Variants in CREB3L2 observed in about 807,000 individuals in gnomAD.
The protein encoded by CREB3L2 is cyclic AMP-responsive element-binding protein 3-like protein 2.
In CREB3L2, 23 loss-of-function variants were observed where a neutral mutation model predicts 57.2. The ratio of observed to expected loss-of-function variants is 0.40; its 90% CI spans 0.29 to 0.57. The LOEUF is 0.57. Ranked by LOEUF, CREB3L2 falls within the 20% of genes least tolerant of loss-of-function variation. The probability of loss-of-function intolerance (pLI) is 0.42; values close to 1 mark genes in which losing one functional copy is unlikely to be tolerated. For missense variants in CREB3L2, 628 were observed against 634.7 expected (o/e 0.99, Z 0.11); for synonymous variants, 268 against 265.1 (o/e 1.01, Z -0.11).
chr7:137,954,034 C>T (rs1460504734), intron 1 of CREB3L2, among the ~76,000 whole-genome samples: 4 of 152,124 alleles, frequency 2.6e-5, no homozygotes, highest in Non-Finnish European at 4.4e-5. Context: ...ACGGAGGAGA[C>T]AAGATCAAAA....
chr7:137,879,050 C>T lies in CREB3L2; in HGVS notation c.*1426G>A. ...CACATTTCCTACACAAAATCTTTCC[C>T]AAGCTCGGAAAAAACACTTGAGGGT... On this transcript the variant is annotated 3_prime_UTR_variant, in exon 12 of 12. Transcript: ENST00000330387. The T allele has an allele frequency of 2.3e-6, 1 of 428,404 alleles. No homozygotes were observed. Among genetic ancestry groups the T allele is most frequent in the Non-Finnish European group, 4.4e-6 (1 of 227,768 alleles). 26.5% of individuals were successfully genotyped at this position (428,404 alleles called of 1,614,324 possible). A position where few individuals can be genotyped will look rare whatever the true frequency, so the allele number is the denominator to read the frequency against.
At chr7:137,929,942 G>T (rs2117243509) in intron 1 of CREB3L2, among the ~76,000 whole-genome samples, 2 of 151,116 alleles carry the variant, frequency 1.3e-5, no homozygotes, top group South Asian at 2.1e-4. Flanking sequence ...CTGTCGCCCA[G>T]GCTGGAGTGC....
At chr7:137,971,474 G>T (rs569811895) in intron 1 of CREB3L2, among the ~76,000 whole-genome samples, 3 of 151,834 alleles carry the variant, frequency 2.0e-5, no homozygotes, top group Non-Finnish European at 2.9e-5. Context: ...AATTTTGGAT[G>T]GGGGGAGACA....
chr7:137,934,068 G>C (rs1800724770), intron 1 of CREB3L2, among the ~76,000 whole-genome samples: 1 of 152,220 alleles, frequency 6.6e-6, no homozygotes, highest in Admixed American at 6.5e-5. Flanking sequence ...AAAGGCAATG[G>C]CATAATAACA....
chr7:137,939,706 T>A (rs1332926327), intron 1 of CREB3L2, among the ~76,000 whole-genome samples: 1 of 152,220 alleles, frequency 6.6e-6, no homozygotes, highest in Non-Finnish European at 1.5e-5. Flanking sequence ...TCATCCATAG[T>A]GGGGAAGCCA....
chr7:137,968,915 G>C (rs1305484671), intron 1 of CREB3L2, among the ~76,000 whole-genome samples: 1 of 152,164 alleles, frequency 6.6e-6, no homozygotes, highest in East Asian at 1.9e-4. Flanking sequence ...GGAAGAAAGT[G>C]AGAAGGGGCA....
At chr7:137,990,512 G>C (rs555790048) in intron 1 of CREB3L2, among the ~76,000 whole-genome samples, 1 of 152,264 alleles carries the variant, frequency 6.6e-6, no homozygotes, top group Admixed American at 6.5e-5. Context: ...CCCCTGCCTA[G>C]AACAGGCACA....
At chr7:137,917,062 T>G (rs1342330347) in intron 2 of CREB3L2, among the ~76,000 whole-genome samples, 1 of 152,220 alleles carries the variant, frequency 6.6e-6, no homozygotes, top group East Asian at 1.9e-4. Context: ...TGGGAGACTT[T>G]GGTTTGTAAT....
At chr7:137,901,533 C>T in intron 7 of CREB3L2, 111 bp from the exon 8 acceptor site, 1 of 637,804 alleles carries the variant, frequency 1.6e-6, no homozygotes, top group Non-Finnish European at 2.8e-6. Flanking sequence ...GGGGATCTGC[C>T]ACCCCATGGA....
intron 2 of CREB3L2, among the ~76,000 whole-genome samples, chr7:137,922,254 C>A (rs1384704345): frequency 1.3e-5 from 2 of 150,936 alleles, no homozygotes; most frequent in Non-Finnish European, 2.9e-5. Context: ...TGGAGAAAGG[C>A]ACAGACCACA....
intron 1 of CREB3L2, among the ~76,000 whole-genome samples, chr7:137,972,695 A>AC (rs1801528279): frequency 8.2e-5 from 3 of 36,742 alleles, no homozygotes; most frequent in Admixed American, 4.3e-4. Flanking sequence ...AAAAAAAAAA[A>AC]AAAAAAAAAA....
At chr7:137,916,180 CAAAG>C (rs917567175) in intron 2 of CREB3L2, among the ~76,000 whole-genome samples, 168 bp from the exon 3 acceptor site, 30 of 152,188 alleles carry the variant, frequency 2.0e-4, no homozygotes, top group African/African-American at 7.2e-4. Flanking sequence ...ATATGAACAG[CAAAG>C]AAAGAATCTA....
At chr7:137,977,275 C>T (rs761286261) in intron 1 of CREB3L2, among the ~76,000 whole-genome samples, 43 of 152,338 alleles carry the variant, frequency 2.8e-4, no homozygotes, top group Non-Finnish European at 5.4e-4. Flanking sequence ...CTAGTCCAGA[C>T]AGTCCAAAAC....
chr7:137,904,705 G>A (rs1585610031), intron 6 of CREB3L2, among the ~76,000 whole-genome samples: 1 of 151,824 alleles, frequency 6.6e-6, no homozygotes, highest in Non-Finnish European at 1.5e-5. Flanking sequence ...CGGGCATGGT[G>A]GCACACGTCT....
chr7:137,939,601 A>T (rs1800848206), intron 1 of CREB3L2, among the ~76,000 whole-genome samples: 1 of 152,204 alleles, frequency 6.6e-6, no homozygotes, highest in African/African-American at 2.4e-5. Flanking sequence ...CACAACAGAC[A>T]GCTGAATCTC....
chr7:137,967,705 C>T (rs563844138), intron 1 of CREB3L2, among the ~76,000 whole-genome samples: 1 of 152,190 alleles, frequency 6.6e-6, no homozygotes, highest in African/African-American at 2.4e-5. Context: ...TGCTCCCGAT[C>T]GCTGGAAACT....
intron 10 of CREB3L2, 163 bp downstream of exon 10, chr7:137,884,832 G>A (rs375435532): frequency 2.1e-6 from 2 of 933,530 alleles, no homozygotes; most frequent in East Asian, 2.4e-5. Context: ...AGTGGATGAG[G>A]GGCCCCAGGG....
intron 1 of CREB3L2, among the ~76,000 whole-genome samples, chr7:137,962,861 A>G (rs1404278368): frequency 1.3e-5 from 2 of 152,102 alleles, no homozygotes; most frequent in East Asian, 1.9e-4. Flanking sequence ...TATATCAATA[A>G]ATGAATTCCC....
At chr7:137,884,841 G>A in intron 10 of CREB3L2, 154 bp downstream of exon 10, 1 of 1,065,076 alleles carries the variant, frequency 9.4e-7, no homozygotes, top group Non-Finnish European at 1.4e-6. Flanking sequence ...GGGGCCCCAG[G>A]GGAACCCCCA....
Sources: allele counts gnomAD v4.1 joint callset (sites outside exome capture counted in the v4.1 genomes callset), GRCh38; gene constraint gnomAD v4.1.1; transcripts MANE v1.5; gene names NCBI Gene and HGNC (gene_info 2026-07-23, HGNC 2026-07-21).